COL4A3: variants seen among roughly 807,000 people sequenced by gnomAD.
The protein encoded by COL4A3 is collagen alpha-3(IV) chain.
COL4A3 carries 135 observed loss-of-function variants against 217.4 expected under a neutral mutation model. The observed-to-expected ratio is 0.62, with a 90% confidence interval of 0.54 to 0.72. The LOEUF (loss-of-function observed/expected upper bound fraction) is 0.72, where lower values mean the gene tolerates loss of function less well. Among genes scored for constraint, COL4A3 ranks in the 30% least tolerant of loss-of-function variants. The probability of loss-of-function intolerance (pLI) is 0.00; values close to 1 mark genes in which losing one functional copy is unlikely to be tolerated. For missense variants in COL4A3, 1,868 were observed against 2,119.9 expected, an observed-to-expected ratio of 0.88 and a Z score of 2.33; for synonymous variants, 690 against 736.3, an observed-to-expected ratio of 0.94 and a Z score of 1.02.
intron 1 of COL4A3, among the ~76,000 whole-genome samples, chr2:227,196,026 T>C (rs1019638438): frequency 6.6e-6 from 1 of 152,100 alleles, no homozygotes; most frequent in Non-Finnish European, 1.5e-5. Context: ...CTGTACCATG[T>C]GTTTGTGGTT....
At chr2:227,254,286 A>G in intron 14 of COL4A3, 112 bp downstream of exon 14, 1 of 931,708 alleles carries the variant, frequency 1.1e-6, no homozygotes, top group Non-Finnish European at 1.7e-6. Flanking sequence ...AAGTAAAGGA[A>G]TAAAAGAATG....
intron 3 of COL4A3, 43 bp downstream of exon 3, chr2:227,240,275 C>T (rs1296171152): frequency 6.5e-7 from 1 of 1,543,626 alleles, no homozygotes; most frequent in Non-Finnish European, 8.8e-7. Context: ...ACCCACCTAA[C>T]CCTCTTCCTG....
At position 227,259,767 on chromosome 2, in the gene COL4A3, CTG is replaced by C. The variant is rs745973878; in HGVS notation, c.1030-24_1030-23del. 4 of 1,501,292 alleles carry C rather than the reference CTG, an allele frequency of 2.7e-6. No individual in the cohort carries two copies. The South Asian group carries it at 4.5e-5, about 17-fold the overall frequency. 93.0% of individuals were successfully genotyped at this position (1,501,292 alleles called of 1,614,324 possible). On this transcript the variant is annotated intron_variant, in intron 18 of 51. Coordinates refer to ENST00000396578, the MANE Select transcript of COL4A3 (RefSeq NM_000091.5). ...CTGTCCATAAATAGCTATCCTTTCT[CTG>C]TATTTGTTTCTTTCTCCTCTAAGAC...
intron 1 of COL4A3, among the ~76,000 whole-genome samples, chr2:227,168,291 C>T (rs559479393): frequency 4.0e-4 from 61 of 152,266 alleles, no homozygotes; most frequent in Middle Eastern, 3.4e-3. Flanking sequence ...AGGGTTGTAC[C>T]AACAATGTAC....
At chr2:227,184,281 A>G (rs2065946321) in intron 1 of COL4A3, among the ~76,000 whole-genome samples, 2 of 152,348 alleles carry the variant, frequency 1.3e-5, no homozygotes, top group South Asian at 4.1e-4. Flanking sequence ...CAAGATGGAC[A>G]AGGGAATGCG....
At chr2:227,188,470 C>T (rs1382216477) in intron 1 of COL4A3, among the ~76,000 whole-genome samples, 2 of 151,710 alleles carry the variant, frequency 1.3e-5, no homozygotes, top group African/African-American at 4.8e-5. Context: ...GAGGGATATC[C>T]GGTCAGGTCA....
At chr2:227,184,960 G>A (rs1446249068) in intron 1 of COL4A3, among the ~76,000 whole-genome samples, 2 of 132,342 alleles carry the variant, frequency 1.5e-5, no homozygotes, top group African/African-American at 5.7e-5. Context: ...GGAGTGCAGT[G>A]GTGTGAACTT....
chr2:227,209,226 T>C (rs1280815062), intron 1 of COL4A3, among the ~76,000 whole-genome samples: 1 of 152,238 alleles, frequency 6.6e-6, no homozygotes, highest in Non-Finnish European at 1.5e-5. Context: ...CCTAAGAGTA[T>C]GTGGCCTATG....
chr2:227,203,262 T>C (rs1223670228), intron 1 of COL4A3, among the ~76,000 whole-genome samples: 1 of 51,400 alleles, frequency 1.9e-5, no homozygotes, highest in Admixed American at 2.4e-4. Context: ...TATATATACA[T>C]ATATGTGTAT....
At chr2:227,226,692 AC>A (rs1334782610) in intron 1 of COL4A3, among the ~76,000 whole-genome samples, 1 of 151,774 alleles carries the variant, frequency 6.6e-6, no homozygotes, top group Non-Finnish European at 1.5e-5. Context: ...CTGGCCTTGA[AC>A]TCCTGACCTC....
At position 227,175,501 on chromosome 2, in the gene COL4A3, C is replaced by CA. The variant is rs560107616; in HGVS notation, c.87+10689dup. 2.0e-3 allele frequency among the ~76,000 whole-genome samples: 303 copies of CA among 152,158 alleles called. 2 individuals carry two copies. Among genetic ancestry groups the CA allele is most frequent in the African/African-American group, 6.9e-3 (287 of 41,520 alleles). ...ATGAAATAAAAAAAACCAAGACAAACAGAGCTTTTGAAATAAAGAAATAAC... is the reference window on the plus strand; with the variant it reads ...ATGAAATAAAAAAAACCAAGACAAACAAGAGCTTTTGAAATAAAGAAATAAC... On this transcript the variant is annotated intron_variant, in intron 1 of 51. Coordinates refer to ENST00000396578, the MANE Select transcript of COL4A3 (RefSeq NM_000091.5).
At chr2:227,203,169 ATATATGTGTATATGTGTG>A (rs1574556199) in intron 1 of COL4A3, among the ~76,000 whole-genome samples, 1 of 25,322 alleles carries the variant, frequency 3.9e-5, no homozygotes, top group African/African-American at 2.0e-4. Flanking sequence ...ATATATGTGT[ATATATGTGTATATGTGTG>A]TATATATACA....
At position 227,261,227 on chromosome 2, in the gene COL4A3, T is replaced by C; in HGVS notation, c.1150+110T>C. ...ATAAGACAAATGTTTCATTAACTGA[T>C]CTAGAAGTGTTTCCAGGCTGGGTTC... is the stretch of plus-strand genomic sequence containing the variant. On this transcript the variant is annotated intron_variant, in intron 20 of 51. Transcript: ENST00000396578. 4.0e-6 allele frequency: 4 copies of C among 991,996 alleles called. No individual in the cohort carries two copies. The South Asian group carries it at 6.2e-5, about 15-fold the overall frequency. 61.4% of individuals were successfully genotyped at this position (991,996 alleles called of 1,614,324 possible). A position where few individuals can be genotyped will look rare whatever the true frequency, so the allele number is the denominator to read the frequency against.
At chr2:227,209,241 G>T (rs142178953) in intron 1 of COL4A3, among the ~76,000 whole-genome samples, 2 of 152,180 alleles carry the variant, frequency 1.3e-5, no homozygotes, top group African/African-American at 4.8e-5. Flanking sequence ...CCTATGTTGC[G>T]TCCAGCTGGT....
intron 34 of COL4A3, among the ~76,000 whole-genome samples, chr2:227,285,871 T>C (rs777509196): frequency 6.6e-6 from 1 of 152,214 alleles, no homozygotes; most frequent in African/African-American, 2.4e-5. Context: ...GGGACACAGA[T>C]TGAAGAACAA....
chr2:227,275,025 A>G (rs1242964864), intron 26 of COL4A3, among the ~76,000 whole-genome samples: 1 of 152,230 alleles, frequency 6.6e-6, no homozygotes, highest in African/African-American at 2.4e-5. Flanking sequence ...GCACTCCTGT[A>G]TGTACTGTCT....
At chr2:227,178,677 C>T (rs2065772566) in intron 1 of COL4A3, among the ~76,000 whole-genome samples, 1 of 151,750 alleles carries the variant, frequency 6.6e-6, no homozygotes, top group Non-Finnish European at 1.5e-5. Flanking sequence ...GGATTACAGG[C>T]ACACATCACC....
At chr2:227,251,947 T>C (rs2069765259) in intron 11 of COL4A3, among the ~76,000 whole-genome samples, 1 of 150,856 alleles carries the variant, frequency 6.6e-6, no homozygotes, top group Non-Finnish European at 1.5e-5. Flanking sequence ...TGCATGCCTG[T>C]AATCCCAGCT....
intron 26 of COL4A3, among the ~76,000 whole-genome samples, chr2:227,274,461 T>C (rs562105299): frequency 6.6e-6 from 1 of 151,536 alleles, no homozygotes; most frequent in Non-Finnish European, 1.5e-5. Context: ...AATAAACAAA[T>C]AAATATTTAT....
Sources: gnomAD v4.1 joint callset for allele counts (sites outside exome capture counted in the v4.1 genomes callset) on GRCh38, gnomAD v4.1.1 for gene constraint, MANE v1.5 for transcripts, NCBI Gene and HGNC (gene_info 2026-07-23, HGNC 2026-07-21) for gene names.